SH3RF3: variants seen among roughly 807,000 people sequenced by gnomAD.
The protein encoded by SH3RF3 is SH3 domain containing ring finger 3, also known as E3 ubiquitin-protein ligase SH3RF3.
SH3RF3 carries 29 observed loss-of-function variants against 66.3 expected under a neutral mutation model. That is an observed-to-expected ratio of 0.44 (90% CI 0.33 to 0.60). SH3RF3 has a LOEUF of 0.60. Ranked by LOEUF, SH3RF3 falls within the 20% of genes least tolerant of loss-of-function variation. The probability of loss-of-function intolerance (pLI) is 0.04; values close to 1 mark genes in which losing one functional copy is unlikely to be tolerated. For synonymous variants in SH3RF3, 583 were observed against 532.0 expected, an observed-to-expected ratio of 1.10 and a Z score of -1.32; for missense variants, 1,194 against 1,190.9, an observed-to-expected ratio of 1.00 and a Z score of -0.04.
intron 3 of SH3RF3, among the ~76,000 whole-genome samples, chr2:109,372,820 G>A (rs868544721): frequency 1.1e-4 from 17 of 152,220 alleles, no homozygotes; most frequent in Admixed American, 2.0e-4. Context: ...GGGCTTCAGA[G>A]TTGGCACCGA....
intron 4 of SH3RF3, among the ~76,000 whole-genome samples, chr2:109,408,526 G>A (rs1166484321): frequency 2.0e-5 from 3 of 152,194 alleles, no homozygotes; most frequent in Admixed American, 6.5e-5. Flanking sequence ...ACGCGCTCAC[G>A]CCCAGGCCGG....
intron 3 of SH3RF3, among the ~76,000 whole-genome samples, chr2:109,391,900 C>T (rs553944245): frequency 3.9e-5 from 6 of 152,156 alleles, no homozygotes; most frequent in South Asian, 2.1e-4. Flanking sequence ...AGTGCAGTGG[C>T]GTGACCTCTC....
intron 1 of SH3RF3, among the ~76,000 whole-genome samples, chr2:109,249,133 G>A (rs1252381854): frequency 6.6e-6 from 1 of 152,112 alleles, no homozygotes; most frequent in African/African-American, 2.4e-5. Context: ...TCCCTGTCTT[G>A]GCCTCTCAAA....
At chr2:109,299,632 A>C (rs752584011) in intron 1 of SH3RF3, among the ~76,000 whole-genome samples, 1 of 152,132 alleles carries the variant, frequency 6.6e-6, no homozygotes, top group Non-Finnish European at 1.5e-5. Context: ...GAAACCTTGA[A>C]TTGTAAGGCC....
In SH3RF3 at chr2:109,203,650, T is replaced by C. The variant is rs372317570; in HGVS notation, c.573+73537T>C. Among the ~76,000 whole-genome samples, 268 of 152,146 alleles carry C rather than the reference T, an allele frequency of 1.8e-3. 1 individual carries two copies. The highest frequency in any genetic ancestry group is 6.3e-3 in the African/African-American group (260 of 41,514). The stretch of plus-strand genomic sequence containing the variant: ...CGTGGCCCTGTCTCTGTGCACCCCA[T>C]GTGAGTGTCCTGGCCCTGTGTCTCT... On this transcript the variant is annotated intron_variant, in intron 1 of 9. Coordinates refer to ENST00000309415, the MANE Select transcript of SH3RF3 (RefSeq NM_001099289.3).
At chr2:109,137,067 A>G (rs1356940495) in intron 1 of SH3RF3, among the ~76,000 whole-genome samples, 6 of 152,226 alleles carry the variant, frequency 3.9e-5, no homozygotes. Context: ...GTCTCTATTT[A>G]TAATGAAATG....
At chr2:109,348,435 G>T (rs1235222302) in intron 2 of SH3RF3, among the ~76,000 whole-genome samples, 1 of 152,208 alleles carries the variant, frequency 6.6e-6, no homozygotes, top group East Asian at 1.9e-4. Context: ...GGCACCTGAG[G>T]CAGGGCCACC....
chr2:109,142,721 T>C (rs968330656), intron 1 of SH3RF3, among the ~76,000 whole-genome samples: 13 of 152,196 alleles, frequency 8.5e-5, no homozygotes, highest in Non-Finnish European at 1.8e-4. Flanking sequence ...CTGGGTTTAT[T>C]TTCTGATCGT....
At chr2:109,324,137 C>T (rs1682094227) in intron 1 of SH3RF3, among the ~76,000 whole-genome samples, 1 of 152,222 alleles carries the variant, frequency 6.6e-6, no homozygotes, top group Admixed American at 6.5e-5. Context: ...GCATGTTTCA[C>T]TACTTCATGT....
chr2:109,320,837 C>T (rs1682009707), intron 1 of SH3RF3, among the ~76,000 whole-genome samples: 1 of 152,192 alleles, frequency 6.6e-6, no homozygotes, highest in South Asian at 2.1e-4. Context: ...ATGGAATGGC[C>T]ATGGATTCGG....
intron 8 of SH3RF3, among the ~76,000 whole-genome samples, chr2:109,457,821 C>G (rs910213379): frequency 5.3e-5 from 8 of 152,180 alleles, no homozygotes; most frequent in Non-Finnish European, 1.2e-4. Context: ...AGCGCACACC[C>G]CATAAACTAC....
intron 4 of SH3RF3, among the ~76,000 whole-genome samples, chr2:109,401,251 T>C (rs991757404): frequency 6.6e-6 from 1 of 152,242 alleles, no homozygotes; most frequent in African/African-American, 2.4e-5. Flanking sequence ...CTGTTGGCGA[T>C]GTGAACAGTC....
chr2:109,470,852 C>T (rs548883186), intron 8 of SH3RF3, among the ~76,000 whole-genome samples: 27 of 152,364 alleles, frequency 1.8e-4, no homozygotes, highest in African/African-American at 6.5e-4. Context: ...CCTTCTTCCT[C>T]ATGATAAGAA....
chr2:109,493,645 C>A (rs1198598532), intron 9 of SH3RF3, among the ~76,000 whole-genome samples: 1 of 151,572 alleles, frequency 6.6e-6, no homozygotes, highest in African/African-American at 2.4e-5. Context: ...TGCAAACACA[C>A]ACCATACACA....
chr2:109,329,351 A>T (rs1277798416), intron 1 of SH3RF3, among the ~76,000 whole-genome samples: 1 of 152,206 alleles, frequency 6.6e-6, no homozygotes, highest in Non-Finnish European at 1.5e-5. Flanking sequence ...ATTGAGAGCA[A>T]ATCCGCATGA....
chr2:109,440,679 G>A (rs1352293779), intron 7 of SH3RF3, among the ~76,000 whole-genome samples: 1 of 152,176 alleles, frequency 6.6e-6, no homozygotes, highest in Non-Finnish European at 1.5e-5. Flanking sequence ...AAAGGAGGCA[G>A]GTAACCAGGT....
intron 4 of SH3RF3, among the ~76,000 whole-genome samples, chr2:109,413,488 G>C (rs964130530): frequency 3.7e-4 from 56 of 152,236 alleles, no homozygotes; most frequent in African/African-American, 1.3e-3. Context: ...CCCTGTCTCT[G>C]TCTGTCTGTC....
At chr2:109,276,193 G>C (rs956790597) in intron 1 of SH3RF3, among the ~76,000 whole-genome samples, 1 of 152,192 alleles carries the variant, frequency 6.6e-6, no homozygotes, top group Admixed American at 6.5e-5. Context: ...GAAAACACCA[G>C]CGTTCTCCCA....
intron 1 of SH3RF3, among the ~76,000 whole-genome samples, chr2:109,254,250 A>G (rs1463283594): frequency 6.6e-6 from 1 of 152,140 alleles, no homozygotes; most frequent in African/African-American, 2.4e-5. Flanking sequence ...AGGACAATCA[A>G]TATGTTTTTC....
Sources: gnomAD v4.1 joint callset for allele counts (sites outside exome capture counted in the v4.1 genomes callset) on GRCh38, gnomAD v4.1.1 for gene constraint, MANE v1.5 for transcripts, NCBI Gene and HGNC (gene_info 2026-07-23, HGNC 2026-07-21) for gene names.